The following PSD2 variants were observed in gnomAD, a reference collection of about 807,000 sequenced individuals.
The protein encoded by PSD2 is pleckstrin and Sec7 domain containing 2, also known as PH and SEC7 domain-containing protein 2.
In PSD2, 38 loss-of-function variants were observed where a neutral mutation model predicts 69.8. The ratio of observed to expected loss-of-function variants is 0.54; its 90% CI spans 0.42 to 0.71. The LOEUF (loss-of-function observed/expected upper bound fraction) is 0.71, where lower values mean the gene tolerates loss of function less well. PSD2 is among the 30% of genes least tolerant of loss of function. The pLI, the probability that PSD2 is intolerant of heterozygous loss-of-function variation, is 0.00. For missense variants in PSD2, 943 were observed against 1,014.5 expected, an observed-to-expected ratio of 0.93 and a Z score of 0.96; for synonymous variants, 412 against 423.0, an observed-to-expected ratio of 0.97 and a Z score of 0.32.
chr5:139,771,945 G>A, the PSD2 span, among the ~76,000 whole-genome samples: 2 of 152,200 alleles, frequency 1.3e-5, no homozygotes, highest in African/African-American at 2.4e-5. Flanking sequence ...ACGGTGTTGC[G>A]GGACTGGAGA....
intron 5 of PSD2, among the ~76,000 whole-genome samples, chr5:139,820,364 G>C (rs765866210): frequency 7.4e-6 from 1 of 135,844 alleles, no homozygotes; most frequent in African/African-American, 3.1e-5. Flanking sequence ...TGGGAGAAGA[G>C]AACGGGAGCA....
the PSD2 span, among the ~76,000 whole-genome samples, chr5:139,771,629 C>T: frequency 1.3e-5 from 2 of 152,140 alleles, no homozygotes; most frequent in Non-Finnish European, 2.9e-5. Context: ...CCGCCCACCT[C>T]GGCCTCCCAA....
chr5:139,776,669 GC>G, the PSD2 span, among the ~76,000 whole-genome samples: 12 of 133,860 alleles, frequency 9.0e-5, no homozygotes, highest in East Asian at 2.1e-4. Flanking sequence ...ATTCTGAGCT[GC>G]TTTTTTTTTT....
At chr5:139,746,527 C>T in the PSD2 span, among the ~76,000 whole-genome samples, 3 of 152,154 alleles carry the variant, frequency 2.0e-5, no homozygotes, top group Non-Finnish European at 4.4e-5. The surrounding 1 kb of genome is among the most constrained non-coding windows in gnomAD (Gnocchi z 4.5). Flanking sequence ...TGACCCTGGC[C>T]CCGGGGGTGT....
chr5:139,817,492 G>T lies in PSD2; in HGVS notation c.1028G>T (p.Ser343Ile), dbSNP rs748064197. 3 of 1,614,100 alleles carry T rather than the reference G, an allele frequency of 1.9e-6. No homozygotes were observed. In the Admixed American group the frequency reaches 5.0e-5, roughly 27 times the overall value. Residue 343 changes from serine (S) to isoleucine (I), a missense_variant, in exon 5 of 15, where the codon AGC becomes ATC. Physicochemically the swap from Ser to Ile is moderately radical, Grantham distance 142. Transcript: ENST00000274710. The stretch of plus-strand genomic sequence containing the variant: ...TACTCTCCTGGCAGCAACGAGTTTA[G>T]CAGGCTGGTGGCCGGGGAGTACCTC... ...ARQLGKNNEF[S>I]RLVAGEYLSF...
At chr5:139,766,828 C>CTTCTTTCTTTCTTTCT in the PSD2 span, among the ~76,000 whole-genome samples, 89 of 87,804 alleles carry the variant, frequency 1.0e-3, 2 homozygotes, top group East Asian at 1.4e-3. Flanking sequence ...AAGTCCCTTC[C>CTTCTTTCTTTCTTTCT]TTCTTTCTTT....
In PSD2 at chr5:139,820,312, G is replaced by A. The variant is rs555541659; in HGVS notation, c.1098-1581G>A. ...ATGGGGGAGGTTTTGAGAAAGTCCT[G>A]GAGGAATGTGAGAAGAGGGAGGGGC... On this transcript the variant is annotated intron_variant, in intron 5 of 14. Transcript: ENST00000274710. Among the ~76,000 whole-genome samples, 4 of 152,024 alleles carry A rather than the reference G, an allele frequency of 2.6e-5. No homozygotes were observed. The East Asian group carries it at 7.7e-4, about 29-fold the overall frequency.
At chr5:139,784,682 C>A in the PSD2 span, among the ~76,000 whole-genome samples, 1 of 152,152 alleles carries the variant, frequency 6.6e-6, no homozygotes, top group Non-Finnish European at 1.5e-5. Context: ...CCAGCATATT[C>A]CCACCCCAGG....
In PSD2 at chr5:139,813,470, C is replaced by G. The variant is rs747926276; in HGVS notation, c.533C>G (p.Ala178Gly). The part of the protein sequence containing the change: ...DESDSCVSFE[A>G]PLTPLIQQRA... ...AGCGACAGCTGCGTCAGCTTCGAGGCCCCCCTCACACCCCTCATCCAGCAG... is the reference window on the plus strand; with the variant it reads ...AGCGACAGCTGCGTCAGCTTCGAGGGCCCCCTCACACCCCTCATCCAGCAG... Residue 178 changes from alanine to glycine, a missense_variant, in exon 3 of 15, where the codon GCC becomes GGC. Around this residue, in one of 3 missense-constraint regions of PSD2, gnomAD observed 466 missense variants for 445.0 expected, o/e 1.05. Transcript: ENST00000274710. 4 of 1,613,852 alleles carry G rather than the reference C, an allele frequency of 2.5e-6. No homozygotes were observed. The highest frequency in any genetic ancestry group is 1.7e-5 in the Admixed American group (1 of 60,008).
chr5:139,805,064 G>A (rs997085112), intron 1 of PSD2, among the ~76,000 whole-genome samples: 5 of 152,140 alleles, frequency 3.3e-5, no homozygotes, highest in Non-Finnish European at 7.4e-5. Context: ...GTGTGTGCAC[G>A]TGCGCGTGTG....
At chr5:139,746,895 G>A in the PSD2 span, among the ~76,000 whole-genome samples, 1 of 152,170 alleles carries the variant, frequency 6.6e-6, no homozygotes, top group Non-Finnish European at 1.5e-5. The surrounding 1 kb of genome is among the most constrained non-coding windows in gnomAD (Gnocchi z 4.5). Context: ...CAGGAGTGAG[G>A]GTAGCCCAGG....
chr5:139,749,426 A>G, the PSD2 span, among the ~76,000 whole-genome samples: 1 of 152,242 alleles, frequency 6.6e-6, no homozygotes, highest in African/African-American at 2.4e-5. Flanking sequence ...CAGTAATAGT[A>G]GCAACAGCAG....
chr5:139,842,534 A>T lies in PSD2; in HGVS notation c.*60A>T, dbSNP rs571830865. On this transcript the variant is annotated 3_prime_UTR_variant, in exon 15 of 15. Transcript: ENST00000274710. The stretch of plus-strand genomic sequence containing the variant: ...TGTCTCCAGTGGGGTCAGTGAGCAC[A>T]ATTCCAGCCAGGGGCCACTTGGACC... The T allele has an allele frequency of 2.6e-6, 4 of 1,512,574 alleles. No individual in the cohort carries two copies. In the Admixed American group the frequency reaches 6.8e-5, roughly 26 times the overall value. The allele number at this position is 1,512,574 out of a possible 1,614,324, so 93.7% of individuals were successfully genotyped here. A position where few individuals can be genotyped will look rare whatever the true frequency, so the allele number is the denominator to read the frequency against.
At chr5:139,766,010 G>T in the PSD2 span, among the ~76,000 whole-genome samples, 1 of 152,158 alleles carries the variant, frequency 6.6e-6, no homozygotes, top group Non-Finnish European at 1.5e-5. Flanking sequence ...CGGCGATGGG[G>T]TGACGGCAAG....
At chr5:139,788,168 GCCCCCCCCGCGC>G in the PSD2 span, among the ~76,000 whole-genome samples, 2 of 126,988 alleles carry the variant, frequency 1.6e-5, no homozygotes, top group Non-Finnish European at 3.3e-5. Context: ...CGGAGAGCCC[GCCCCCCCCGCGC>G]CCCCCCCCGA....
intron 5 of PSD2, among the ~76,000 whole-genome samples, chr5:139,818,577 A>G (rs1760182712): frequency 6.6e-6 from 1 of 152,096 alleles, no homozygotes; most frequent in Non-Finnish European, 1.5e-5. Context: ...AAAACCACAT[A>G]CAAAAAAAGT....
At position 139,813,605 on chromosome 5, in the gene PSD2, G is replaced by A. The variant is rs768960273; in HGVS notation, c.668G>A (p.Arg223Gln). 1.4e-5 allele frequency: 22 copies of A among 1,613,828 alleles called. No individual in the cohort carries two copies. The highest frequency in any genetic ancestry group is 9.3e-5 in the African/African-American group (7 of 74,936). Residue 223 changes from arginine (R) to glutamine (Q), a missense_variant, in exon 3 of 15, where the codon CGG (arginine) becomes CAG (glutamine). Arg to Gln is a conservative substitution (Grantham distance 43, BLOSUM62 1). This residue lies in a region of PSD2 where 466 missense variants were observed against 445.0 expected (regional missense o/e 1.05). Transcript: ENST00000274710. Reference sequence around the variant, plus strand: ...GATGGGGAGCTGGGCAGCCCCCTGCGGCGCTCCATCTCCAGCAGCCGCTCT... The same window carrying A: ...GATGGGGAGCTGGGCAGCCCCCTGCAGCGCTCCATCTCCAGCAGCCGCTCT... Reference protein sequence around the residue: ...GGDGELGSPLRRSISSSRSEN... With the variant: ...GGDGELGSPLQRSISSSRSEN...
At chr5:139,764,048 C>T in the PSD2 span, among the ~76,000 whole-genome samples, 1,096 of 152,304 alleles carry the variant, frequency 7.2e-3, 11 homozygotes, top group Non-Finnish European at 5.8e-3. Flanking sequence ...CTCAGTTTCC[C>T]CATCTGTGAA....
Position 139,822,760 on chromosome 5 carries a change from G to T in PSD2, c.1245G>T (p.Leu415=). 1 of 1,610,832 alleles carries T rather than the reference G, an allele frequency of 6.2e-7. No homozygotes were observed. The highest frequency in any genetic ancestry group is 8.5e-7 in the Non-Finnish European group (1 of 1,178,442). Residue 415 remains leucine (L), a synonymous_variant, in exon 7 of 15, where the codon CTG becomes CTT. Coordinates refer to ENST00000274710, the MANE Select transcript of PSD2 (RefSeq NM_032289.4). Reference sequence around the variant, plus strand: ...ACACGCTCACCTGTGCCCTGATGCTGCTCAACACGGACCTGCACGGCCACG... The same window carrying T: ...ACACGCTCACCTGTGCCCTGATGCTTCTCAACACGGACCTGCACGGCCACG... ...GIHTLTCALM[L]LNTDLHGHNI... is the part of the protein sequence containing the mutation.
Sources: allele counts gnomAD v4.1 joint callset (sites outside exome capture counted in the v4.1 genomes callset), GRCh38; gene constraint gnomAD v4.1.1; regional missense constraint gnomAD v4.1.1; non-coding constraint Gnocchi (gnomAD v3.1); transcripts MANE v1.5; gene names NCBI Gene and HGNC (gene_info 2026-07-23, HGNC 2026-07-21).